Variants in DCC observed in about 807,000 individuals in gnomAD.
DCC encodes the protein netrin receptor DCC.
DCC carries 58 observed loss-of-function variants against 172.5 expected under a neutral mutation model. The ratio of observed to expected loss-of-function variants is 0.34; its 90% CI spans 0.27 to 0.42. The LOEUF (loss-of-function observed/expected upper bound fraction) is 0.42. Ranked by LOEUF, DCC falls within the 10% of genes least tolerant of loss-of-function variation. DCC has a pLI of 1.00. For synonymous variants in DCC, 709 were observed against 644.5 expected (o/e 1.10, Z -1.52); for missense variants, 1,740 against 1,791.0 (o/e 0.97, Z 0.51).
chr18:52,927,216 C>T (rs2040231890), intron 5 of DCC, among the ~76,000 whole-genome samples: 1 of 100,392 alleles, frequency 1.0e-5, no homozygotes, highest in Non-Finnish European at 2.1e-5. Flanking sequence ...TGTACATATA[C>T]ACATATATGC....
At chr18:53,086,500 CCT>C (rs2042906717) in intron 7 of DCC, among the ~76,000 whole-genome samples, 1 of 41,078 alleles carries the variant, frequency 2.4e-5, no homozygotes, top group East Asian at 4.0e-4. Flanking sequence ...TCTTCTTCTT[CCT>C]TTCTTCTTCT....
chr18:52,856,497 G>A (rs2039055267), intron 2 of DCC, among the ~76,000 whole-genome samples: 1 of 151,616 alleles, frequency 6.6e-6, no homozygotes, highest in African/African-American at 2.4e-5. Context: ...GTGGTGGCGG[G>A]CACCTGTAGT....
At chr18:53,088,075 T>C (rs2042943282) in intron 7 of DCC, among the ~76,000 whole-genome samples, 1 of 152,218 alleles carries the variant, frequency 6.6e-6, no homozygotes, top group Non-Finnish European at 1.5e-5. Flanking sequence ...AGGATTGACT[T>C]AGCGATGCGG....
chr18:53,445,446 A>C (rs1912538749), intron 22 of DCC, among the ~76,000 whole-genome samples: 1 of 152,208 alleles, frequency 6.6e-6, no homozygotes, highest in African/African-American at 2.4e-5. Flanking sequence ...TTGTGTAGCT[A>C]TTGGGGCACA....
At chr18:53,271,102 C>G (rs2056743279) in intron 12 of DCC, among the ~76,000 whole-genome samples, 1 of 152,176 alleles carries the variant, frequency 6.6e-6, no homozygotes, top group South Asian at 2.1e-4. Flanking sequence ...TGCTATGCTA[C>G]AAGGGTAAGG....
intron 13 of DCC, 110 bp from the exon 14 acceptor site, chr18:53,321,937 T>G (rs145595192): frequency 3.9e-6 from 3 of 769,858 alleles, no homozygotes; most frequent in African/African-American, 3.4e-5. Flanking sequence ...TCACAAACAA[T>G]GTAAAGCATG....
intron 1 of DCC, among the ~76,000 whole-genome samples, chr18:52,363,879 G>A (rs1228627887): frequency 6.6e-6 from 1 of 152,070 alleles, no homozygotes; most frequent in East Asian, 1.9e-4. Context: ...TTTTTTCTTA[G>A]TGACTTTGGA....
intron 1 of DCC, among the ~76,000 whole-genome samples, chr18:52,709,465 T>C (rs1309909604): frequency 6.6e-6 from 1 of 152,054 alleles, no homozygotes; most frequent in Non-Finnish European, 1.5e-5. Flanking sequence ...TCTAAATCTA[T>C]AGGGTACAGA....
At chr18:53,312,239 G>T (rs1439265963) in intron 13 of DCC, among the ~76,000 whole-genome samples, 2 of 149,544 alleles carry the variant, frequency 1.3e-5, no homozygotes, top group Non-Finnish European at 3.0e-5. Context: ...TACTCAGGAG[G>T]CTGAGGCAGG....
At chr18:52,629,381 A>G (rs2034632953) in intron 1 of DCC, among the ~76,000 whole-genome samples, 1 of 152,190 alleles carries the variant, frequency 6.6e-6, no homozygotes, top group East Asian at 1.9e-4. Context: ...TGAGAAAACA[A>G]TGACTAGATC....
chr18:52,553,394 C>A (rs1057166797), intron 1 of DCC, among the ~76,000 whole-genome samples: 2 of 151,998 alleles, frequency 1.3e-5, no homozygotes, highest in Non-Finnish European at 2.9e-5. Flanking sequence ...ATAGGCTAAG[C>A]AGGGACTGAA....
chr18:52,343,559 G>A (rs1983748460), intron 1 of DCC, among the ~76,000 whole-genome samples: 1 of 152,150 alleles, frequency 6.6e-6, no homozygotes, highest in Non-Finnish European at 1.5e-5. Context: ...CTTTTTAGTT[G>A]GCTTCTGTAA....
At chr18:52,628,122 G>A (rs528711139) in intron 1 of DCC, among the ~76,000 whole-genome samples, 4 of 152,292 alleles carry the variant, frequency 2.6e-5, no homozygotes, top group East Asian at 1.9e-4. Context: ...GGCATCAACT[G>A]TGAAAATGGT....
chr18:52,502,016 G>A (rs1429355329), intron 1 of DCC, among the ~76,000 whole-genome samples: 1 of 152,170 alleles, frequency 6.6e-6, no homozygotes, highest in East Asian at 1.9e-4. Context: ...GATTCTTGGG[G>A]TAAAGTTAAT....
chr18:52,853,979 T>TC (rs1390593538), intron 2 of DCC, among the ~76,000 whole-genome samples: 5 of 152,202 alleles, frequency 3.3e-5, no homozygotes, highest in African/African-American at 1.2e-4. Flanking sequence ...ACTCTACAGA[T>TC]CATTAGCCAC....
chr18:53,058,401 A>C (rs1360232115), intron 5 of DCC, among the ~76,000 whole-genome samples: 1 of 152,150 alleles, frequency 6.6e-6, no homozygotes, highest in Admixed American at 6.6e-5. Context: ...TGAGAACAGA[A>C]GTGGTATAAT....
intron 17 of DCC, 42 bp downstream of exon 17, chr18:53,391,929 C>T: frequency 8.4e-7 from 1 of 1,190,026 alleles, no homozygotes; most frequent in South Asian, 1.2e-5. Flanking sequence ...AATGAACTGA[C>T]ATTTGTTTAA....
intron 9 of DCC, among the ~76,000 whole-genome samples, chr18:53,189,179 ATG>A (rs957479719): frequency 3.3e-5 from 5 of 152,024 alleles, no homozygotes; most frequent in Admixed American, 3.3e-4. Flanking sequence ...ATGTATATAT[ATG>A]TGTGTGTGTA....
At chr18:52,609,867 T>A (rs2034214472) in intron 1 of DCC, among the ~76,000 whole-genome samples, 1 of 151,936 alleles carries the variant, frequency 6.6e-6, no homozygotes, top group Admixed American at 6.6e-5. Context: ...GGAGCTAAGT[T>A]CATGGTATGT....
Sources: allele counts gnomAD v4.1 joint callset (sites outside exome capture counted in the v4.1 genomes callset), GRCh38; gene constraint gnomAD v4.1.1; transcripts MANE v1.5; gene names NCBI Gene and HGNC (gene_info 2026-07-23, HGNC 2026-07-21).